Variants in SPATA31C2 observed in about 807,000 individuals in gnomAD.
SPATA31C2 encodes spermatogenesis-associated protein 31C2.
In SPATA31C2, 5 loss-of-function variants were observed where a neutral mutation model predicts 11.4. The observed-to-expected ratio is 0.44, with a 90% CI of 0.23 to 0.92. The LOEUF is 0.92. Among genes scored for constraint, SPATA31C2 ranks in the 40% least tolerant of loss-of-function variants. The pLI, the probability that SPATA31C2 is intolerant of heterozygous loss-of-function variation, is 0.24. For synonymous variants in SPATA31C2, 515 were observed against 538.7 expected (o/e 0.96, Z 0.61); for missense variants, 1,353 against 1,368.6 (o/e 0.99, Z 0.18).
intron 1 of SPATA31C2, among the ~76,000 whole-genome samples, chr9:88,137,458 C>G (rs1332728085): frequency 6.8e-6 from 1 of 146,210 alleles, no homozygotes; most frequent in African/African-American, 2.5e-5. Flanking sequence ...CCCATCTCTA[C>G]TAAAAATACA....
intron 2 of SPATA31C2, among the ~76,000 whole-genome samples, chr9:88,133,351 C>G (rs1213378581): frequency 4.6e-5 from 3 of 65,378 alleles, no homozygotes; most frequent in Admixed American, 1.7e-4. Context: ...CCCTCACCCC[C>G]CTCCGCATCC....
rs377470120 is a variant in SPATA31C2 at position 88,133,575 on chromosome 9, T to G, written c.265+19A>C. 3 of 1,602,714 alleles carry G rather than the reference T, an allele frequency of 1.9e-6. No individual in the cohort carries two copies. The highest frequency in any genetic ancestry group is 2.2e-5 in the South Asian group (2 of 90,850). ...AGATGAGATCAAATTAACTCTAGTG[T>G]GCCCTGGCAGAGCCTTACCTCTCAG... is the stretch of plus-strand genomic sequence containing the variant. On this transcript the variant is annotated intron_variant, in intron 2 of 3. Coordinates refer to ENST00000324915, the MANE Select transcript of SPATA31C2 (RefSeq NM_001350978.3).
At chr9:88,134,175 A>G (rs374689987) in intron 1 of SPATA31C2, among the ~76,000 whole-genome samples, 5,099 of 145,850 alleles carry the variant, frequency 0.035, 106 homozygotes, top group Non-Finnish European at 0.048. Context: ...ACACACACGC[A>G]CACACACAGG....
chr9:88,132,250 G>T lies in SPATA31C2; in HGVS notation c.787C>A (p.Arg263Ser). ...GGGACAGAAGCCGCCAAATCCTCAC[G>T]TGGAGACAAGCTTTGAGGGACGGTG... is the stretch of plus-strand genomic sequence containing the variant. The part of the protein sequence containing the change: ...LDTVPQSLSP[R>S]EDLAASVPGI... The change falls in exon 4 of 4, where the codon CGT becomes AGT. Residue 263 changes from arginine to serine, a missense_variant. Arg to Ser is a moderately radical substitution (Grantham distance 110, BLOSUM62 -1). This residue lies in a region of SPATA31C2 where 1,075 missense variants were observed against 992.8 expected (regional missense o/e 1.08). Transcript: ENST00000324915. The T allele has an allele frequency of 1.2e-6, 2 of 1,610,780 alleles. No homozygotes were observed. The highest frequency in any genetic ancestry group is 1.7e-4 in the Middle Eastern group (1 of 6,042).
chr9:88,132,338 A>G lies in SPATA31C2; in HGVS notation c.699T>C (p.Pro233=). 1 of 1,610,860 alleles carries G rather than the reference A, an allele frequency of 6.2e-7. No individual in the cohort carries two copies. The highest frequency in any genetic ancestry group is 1.3e-5 in the African/African-American group (1 of 74,908). ...TTAACAGAGTGGAGTCCCGCAGGGGAGGAGGAGTGAAGCCTTTCGGAGGAG... is the reference window on the plus strand; with the variant it reads ...TTAACAGAGTGGAGTCCCGCAGGGGGGGAGGAGTGAAGCCTTTCGGAGGAG... ...SPPPPKGFTP[P]PLRDSTLLTP... is the part of the protein sequence containing the mutation. Residue 233 remains proline, a synonymous_variant, in exon 4 of 4, where the codon CCT becomes CCC. Transcript: ENST00000324915.
At position 88,130,793 on chromosome 9, in the gene SPATA31C2, G is replaced by T. The variant is rs1386578774; in HGVS notation, c.2244C>A (p.Ile748=). Residue 748 remains isoleucine (I), a synonymous_variant, in exon 4 of 4, where the codon ATC becomes ATA. Coordinates refer to ENST00000324915, the MANE Select transcript of SPATA31C2 (RefSeq NM_001350978.3). ...AGGACCCATGATCATTCGAAGATGGGATCCCTCGCGGGGCCCTCTGGAACT... is the reference window on the plus strand; with the variant it reads ...AGGACCCATGATCATTCGAAGATGGTATCCCTCGCGGGGCCCTCTGGAACT... ...CKQFQRAPRG[I]PSSNDHGSLK... is the part of the protein sequence containing the mutation. 6.2e-7 allele frequency: 1 copy of T among 1,612,996 alleles called. No individual in the cohort carries two copies. The highest frequency in any genetic ancestry group is 1.7e-5 in the Admixed American group (1 of 60,024).
intron 1 of SPATA31C2, among the ~76,000 whole-genome samples, chr9:88,136,938 T>C (rs1825689767): frequency 7.7e-6 from 1 of 129,160 alleles, no homozygotes. Context: ...TGGAGATTAC[T>C]GCAAGACCCT....
chr9:88,130,257 C>T lies in SPATA31C2; in HGVS notation c.2780G>A (p.Ser927Asn), dbSNP rs1825563999. 1 of 1,609,274 alleles carries T rather than the reference C, an allele frequency of 6.2e-7. No homozygotes were observed. Among genetic ancestry groups the T allele is most frequent in the Non-Finnish European group, 8.5e-7 (1 of 1,178,416 alleles). The change falls in exon 4 of 4, where the codon AGT becomes AAT. Residue 927 changes from serine (S) to asparagine (N), a missense_variant. This residue lies in a region of SPATA31C2 where 16 missense variants were observed against 45.1 expected (regional missense o/e 0.35). Transcript: ENST00000324915. ...ELCDLMSARR[S>N]NMGHKEPRNP... is the part of the protein sequence containing the mutation. ...CCTGGGCTCCTTGTGCCCCATGTTACTCCTTCTGGCTGACATGAGGTCACA... is the reference window on the plus strand; with the variant it reads ...CCTGGGCTCCTTGTGCCCCATGTTATTCCTTCTGGCTGACATGAGGTCACA...
intron 1 of SPATA31C2, 76 bp from the exon 2 acceptor site, chr9:88,133,745 C>T: frequency 1.3e-6 from 2 of 1,586,284 alleles, no homozygotes; most frequent in East Asian, 2.3e-5. Context: ...GCACGCTGCA[C>T]TCATGAACCG....
rs776579526 is a variant in SPATA31C2, at chr9:88,131,412, G to T, written c.1625C>A (p.Ala542Glu). 1 of 1,611,866 alleles carries T rather than the reference G, an allele frequency of 6.2e-7. No individual in the cohort carries two copies. The highest frequency in any genetic ancestry group is 2.2e-5 in the East Asian group (1 of 44,846). Residue 542 changes from alanine (A) to glutamate (E), a missense_variant, in exon 4 of 4, where the codon GCG becomes GAG. Ala to Glu is a moderately radical substitution (Grantham distance 107). Transcript: ENST00000324915. ...MESFPGKVLG[A>E]TSEESERNLR... ...GTTCCTTTCCGACTCCTCAGAGGTC[G>T]CCCCCAGAACCTTCCCTGGGAAGCT... is the stretch of plus-strand genomic sequence containing the variant.
At position 88,132,688 on chromosome 9, in the gene SPATA31C2, T is replaced by C. The variant is rs1414348892; in HGVS notation, c.349A>G (p.Lys117Glu). The change falls in exon 4 of 4, where the codon AAA (lysine) becomes GAA (glutamate). Residue 117 changes from lysine (K) to glutamate (E), a missense_variant. Around this residue, in one of 6 missense-constraint regions of SPATA31C2, gnomAD observed 1,075 missense variants for 992.8 expected, o/e 1.08. Coordinates refer to ENST00000324915, the MANE Select transcript of SPATA31C2 (RefSeq NM_001350978.3). ...CCAGAGAGCTGACCAAAGTCACCTT[T>C]TTCAAGGTGTGGCCCCAGGAGGCTG... Reference protein sequence around the residue: ...LQSLLGPHLEKGDFGQLSGPD... With the variant: ...LQSLLGPHLEEGDFGQLSGPD... The C allele has an allele frequency of 6.2e-7, 1 of 1,606,032 alleles. No homozygotes were observed. Among genetic ancestry groups the C allele is most frequent in the Non-Finnish European group, 8.5e-7 (1 of 1,176,412 alleles).
chr9:88,135,448 T>C (rs1262273488), intron 1 of SPATA31C2, among the ~76,000 whole-genome samples: 6 of 105,338 alleles, frequency 5.7e-5, no homozygotes, highest in Non-Finnish European at 1.0e-4. Context: ...TACTCTTATT[T>C]AGTTTTGCAA....
Position 88,130,426 on chromosome 9 carries a change from G to C in SPATA31C2, c.2611C>G (p.Pro871Ala). The change falls in exon 4 of 4, where the codon CCT becomes GCT. Residue 871 changes from proline (P) to alanine (A), a missense_variant. Coordinates refer to ENST00000324915, the MANE Select transcript of SPATA31C2 (RefSeq NM_001350978.3). ...AGCACAACAGTGGCAGAAACTTGAG[G>C]CTGGGTCTCTGACTTCGTGGCCTTT... ...PGKATKSETQ[P>A]QVSATVVLLP... 6.2e-7 allele frequency: 1 copy of C among 1,612,828 alleles called. No homozygotes were observed. The highest frequency in any genetic ancestry group is 1.7e-5 in the Admixed American group (1 of 59,936).
At position 88,130,749 on chromosome 9, in the gene SPATA31C2, C is replaced by T. The variant is rs1416873529; in HGVS notation, c.2288G>A (p.Gly763Glu). Residue 763 changes from glycine to glutamate, a missense_variant, in exon 4 of 4, where the codon GGA becomes GAA. Physicochemically the swap from Gly to Glu is moderately conservative, Grantham distance 98 (BLOSUM62 -2). Around this residue, in one of 6 missense-constraint regions of SPATA31C2, gnomAD observed 1,075 missense variants for 992.8 expected, o/e 1.08. Coordinates refer to ENST00000324915, the MANE Select transcript of SPATA31C2 (RefSeq NM_001350978.3). ...CTTAGATGGCCACCTGCCCTCCTGT[C>T]CAGCTGTAGGAGCCTTCAAGGACCC... ...DHGSLKAPTA[G>E]QEGRWPSKPL... 4.3e-6 allele frequency: 7 copies of T among 1,613,326 alleles called. No individual in the cohort carries two copies. The African/African-American group carries it at 8.0e-5, about 18-fold the overall frequency.
At chr9:88,136,381 CTTG>C (rs1825682325) in intron 1 of SPATA31C2, among the ~76,000 whole-genome samples, 1 of 139,236 alleles carries the variant, frequency 7.2e-6, no homozygotes, top group African/African-American at 2.8e-5. Flanking sequence ...TTCTAATTGG[CTTG>C]TTTTTTCTTG....
chr9:88,137,631 A>C (rs1825698407), intron 1 of SPATA31C2, among the ~76,000 whole-genome samples: 1 of 121,672 alleles, frequency 8.2e-6, no homozygotes, highest in African/African-American at 3.4e-5. Context: ...AATAACACAC[A>C]AACACACACG....
intron 1 of SPATA31C2, among the ~76,000 whole-genome samples, chr9:88,135,403 T>A (rs1274194707): frequency 1.1e-5 from 1 of 91,164 alleles, no homozygotes; most frequent in Non-Finnish European, 1.8e-5. Context: ...TGTTTTTGTC[T>A]TCTGTGAATC....
At position 88,131,015 on chromosome 9, in the gene SPATA31C2, C is replaced by T. The variant is rs1386510631; in HGVS notation, c.2022G>A (p.Leu674=). Residue 674 remains leucine, a synonymous_variant, in exon 4 of 4, where the codon CTG becomes CTA. Coordinates refer to ENST00000324915, the MANE Select transcript of SPATA31C2 (RefSeq NM_001350978.3). ...TAAGGGACAAGGATGAAACCTTTTC[C>T]AGTTGAAAGCACTGAATGGGCTTGA... ...RVLKPIQCFQ[L]EKVSSLSLIQ... is the part of the protein sequence containing the mutation. 6.2e-7 allele frequency: 1 copy of T among 1,612,098 alleles called. No individual in the cohort carries two copies. Among genetic ancestry groups the T allele is most frequent in the East Asian group, 2.2e-5 (1 of 44,852 alleles).
In SPATA31C2 at chr9:88,131,276, G is replaced by C. The variant is rs543685165; in HGVS notation, c.1761C>G (p.Thr587=). ...CACTCACGGGGATCAAGCCCTCGTT[G>C]GTCTGGCCCAACTTTCTGCTCATGT... The part of the protein sequence containing the change: ...KAHMSRKLGQ[T]NEGLIPVSVR... The change falls in exon 4 of 4, where the codon ACC becomes ACG. Residue 587 remains threonine, a synonymous_variant. Transcript: ENST00000324915. 115 of 1,611,828 alleles carry C rather than the reference G, an allele frequency of 7.1e-5. No individual in the cohort carries two copies. The Middle Eastern group carries it at 1.6e-3, about 22-fold the overall frequency.
Sources: allele counts gnomAD v4.1 joint callset (sites outside exome capture counted in the v4.1 genomes callset), GRCh38; gene constraint gnomAD v4.1.1; regional missense constraint gnomAD v4.1.1; transcripts MANE v1.5; gene names NCBI Gene and HGNC (gene_info 2026-07-23, HGNC 2026-07-21).